TENM2: variants seen among roughly 807,000 people sequenced by gnomAD.
The protein encoded by TENM2 is teneurin transmembrane protein 2.
Under a neutral mutation model 245.2 loss-of-function variants are expected in TENM2, and 52 were observed. The observed-to-expected ratio is 0.21, with a 90% confidence interval of 0.17 to 0.27. The LOEUF (loss-of-function observed/expected upper bound fraction) is 0.27, where lower values mean the gene tolerates loss of function less well. TENM2 is among the 10% of genes least tolerant of loss of function. The pLI is 1.00. For missense variants in TENM2, 3,046 were observed against 3,666.8 expected (o/e 0.83, Z 4.37); for synonymous variants, 1,363 against 1,438.9 (o/e 0.95, Z 1.19).
At chr5:167,550,397 G>T (rs765313911) in intron 2 of TENM2, among the ~76,000 whole-genome samples, 1 of 152,140 alleles carries the variant, frequency 6.6e-6, no homozygotes, top group Non-Finnish European at 1.5e-5. Context: ...CAAAATATTA[G>T]TATAAATATT....
At chr5:167,820,532 C>T (rs1767434305) in intron 2 of TENM2, among the ~76,000 whole-genome samples, 1 of 152,180 alleles carries the variant, frequency 6.6e-6, no homozygotes, top group Non-Finnish European at 1.5e-5. Flanking sequence ...AGAGGAGGAA[C>T]TCCAGAGGAA....
chr5:168,095,893 A>G (rs1012694980), intron 8 of TENM2, among the ~76,000 whole-genome samples: 4 of 152,022 alleles, frequency 2.6e-5, no homozygotes, highest in Admixed American at 2.0e-4. Context: ...GTGTCAGCAC[A>G]TGTTCTGTTC....
intron 8 of TENM2, among the ~76,000 whole-genome samples, chr5:168,095,034 T>C (rs1466210760): frequency 1.3e-5 from 2 of 151,884 alleles, no homozygotes; most frequent in African/African-American, 4.8e-5. Flanking sequence ...GACCATCTAG[T>C]TGCAGAAAAA....
At chr5:167,357,391 T>C (rs1165150622) in intron 1 of TENM2, among the ~76,000 whole-genome samples, 1 of 151,150 alleles carries the variant, frequency 6.6e-6, no homozygotes, top group Non-Finnish European at 1.5e-5. Flanking sequence ...CAAGCGATTC[T>C]CCTGCCTCAG....
intron 2 of TENM2, among the ~76,000 whole-genome samples, chr5:167,409,596 C>A (rs1011146479): frequency 6.6e-6 from 1 of 151,842 alleles, no homozygotes; most frequent in Non-Finnish European, 1.5e-5. Flanking sequence ...ATATTAACAG[C>A]GGCATGCATA....
the TENM2 span, among the ~76,000 whole-genome samples, chr5:167,064,807 CA>C: frequency 6.6e-6 from 1 of 152,094 alleles, no homozygotes; most frequent in African/African-American, 2.4e-5. Flanking sequence ...CAAATAGTAA[CA>C]AAAAATTATC....
intron 2 of TENM2, among the ~76,000 whole-genome samples, chr5:167,768,397 T>A (rs1331598407): frequency 6.6e-6 from 1 of 152,184 alleles, no homozygotes; most frequent in Non-Finnish European, 1.5e-5. Context: ...GCCTTGGAAT[T>A]TAAAAAAATA....
chr5:168,188,812 C>T (rs965828079), intron 13 of TENM2, among the ~76,000 whole-genome samples: 1 of 152,194 alleles, frequency 6.6e-6, no homozygotes, highest in East Asian at 1.9e-4. Flanking sequence ...TGGGGTGGGC[C>T]GTTTATTCTT....
At chr5:167,238,174 C>A in the TENM2 span, among the ~76,000 whole-genome samples, 1 of 152,106 alleles carries the variant, frequency 6.6e-6, no homozygotes, top group African/African-American at 2.4e-5. Context: ...TTATATTTTC[C>A]ATAAGAGCGT....
intron 1 of TENM2, among the ~76,000 whole-genome samples, chr5:167,353,905 A>C (rs181443839): frequency 4.4e-4 from 67 of 152,308 alleles, no homozygotes; most frequent in Admixed American, 4.0e-3. Context: ...CAAATGAATG[A>C]AATCTGTTTT....
chr5:167,493,153 C>T (rs909609821), intron 2 of TENM2, among the ~76,000 whole-genome samples: 9 of 152,008 alleles, frequency 5.9e-5, no homozygotes, highest in Admixed American at 5.2e-4. Flanking sequence ...GTGGCCCACA[C>T]GTGTAATCCA....
chr5:168,158,852 C>CACACACACACACACATATATATGTAT (rs1757475006), intron 12 of TENM2, among the ~76,000 whole-genome samples: 1 of 65,758 alleles, frequency 1.5e-5, no homozygotes, highest in African/African-American at 5.4e-5. Flanking sequence ...TATATATATA[C>CACACACACACACACATATATATGTAT]ACACACACAC....
the TENM2 span, among the ~76,000 whole-genome samples, chr5:167,101,375 A>G: frequency 2.7e-4 from 41 of 152,198 alleles, no homozygotes; most frequent in Non-Finnish European, 5.6e-4. Context: ...ACCACTATTT[A>G]CATATTTACA....
At chr5:167,541,528 A>AAC (rs367782940) in intron 2 of TENM2, among the ~76,000 whole-genome samples, 3 of 152,086 alleles carry the variant, frequency 2.0e-5, no homozygotes, top group African/African-American at 2.4e-5. Flanking sequence ...AATTTTAATC[A>AAC]ACACACACAC....
At chr5:167,577,272 T>C (rs1383091634) in intron 2 of TENM2, among the ~76,000 whole-genome samples, 1 of 152,204 alleles carries the variant, frequency 6.6e-6, no homozygotes, top group African/African-American at 2.4e-5. Context: ...ACGTAGGGTA[T>C]TACAAAAGCA....
rs1192554974 is a variant in TENM2, at chr5:168,247,150, C to T, written c.6211C>T (p.Leu2071=). The T allele has an allele frequency of 6.2e-7, 1 of 1,613,848 alleles. No homozygotes were observed. The highest frequency in any genetic ancestry group is 2.2e-5 in the East Asian group (1 of 44,846). ...CATCAGGTACCGGAAGATTGGCCCC[C>T]TGGTGGACAAGCAGATCTACAGGTT... Residue 2071 remains leucine (L), a synonymous_variant, in exon 27 of 29, where the codon CTG becomes TTG. Transcript: ENST00000518659. The surrounding 1 kb of genome is among the most constrained non-coding windows in gnomAD (Gnocchi z 7.8).
chr5:167,395,614 G>A (rs1339207579), intron 2 of TENM2, among the ~76,000 whole-genome samples: 6 of 152,144 alleles, frequency 3.9e-5, no homozygotes, highest in African/African-American at 1.2e-4. Context: ...TTACAAAGAA[G>A]ACATTCAAAT....
At chr5:167,646,673 C>A (rs1582641764) in intron 2 of TENM2, among the ~76,000 whole-genome samples, 1 of 151,932 alleles carries the variant, frequency 6.6e-6, no homozygotes, top group Non-Finnish European at 1.5e-5. Context: ...GCTGTGATAG[C>A]AACCCGGGGA....
chr5:167,070,083 C>A, the TENM2 span, among the ~76,000 whole-genome samples: 3 of 129,358 alleles, frequency 2.3e-5, no homozygotes, highest in East Asian at 6.2e-4. Context: ...GTCAAAAAAT[C>A]TTTCTCATTT....
Sources: allele counts gnomAD v4.1 joint callset (sites outside exome capture counted in the v4.1 genomes callset), GRCh38; gene constraint gnomAD v4.1.1; non-coding constraint Gnocchi (gnomAD v3.1); transcripts MANE v1.5; gene names NCBI Gene and HGNC (gene_info 2026-07-23, HGNC 2026-07-21).